Variants in FGF5 observed in about 807,000 individuals in gnomAD.
FGF5 encodes the protein heparin-binding growth factor 5.
A neutral mutation model predicts 21.8 loss-of-function variants in FGF5; 23 were observed. The observed-to-expected ratio is 1.05, with a 90% CI of 0.76 to 1.49. The LOEUF is 1.49. FGF5 is among the 40% of genes most tolerant of loss of function. The pLI, the probability that FGF5 is intolerant of heterozygous loss-of-function variation, is 0.00. For synonymous variants in FGF5, 158 were observed against 124.0 expected (o/e 1.27, Z -1.82); for missense variants, 352 against 332.9 (o/e 1.06, Z -0.45).
chr4:80,277,016 G>A (rs1286585282), intron 2 of FGF5, among the ~76,000 whole-genome samples: 1 of 152,022 alleles, frequency 6.6e-6, no homozygotes, highest in Non-Finnish European at 1.5e-5. Flanking sequence ...ACTTGGAACA[G>A]CTTAAGGATA....
intron 2 of FGF5, among the ~76,000 whole-genome samples, chr4:80,283,848 A>G (rs1041653793): frequency 6.6e-6 from 1 of 152,162 alleles, no homozygotes; most frequent in African/African-American, 2.4e-5. Flanking sequence ...CCTTTGTAAA[A>G]TTCTTGTGAT....
chr4:80,282,110 G>A (rs1296730601), intron 2 of FGF5, among the ~76,000 whole-genome samples: 1 of 152,004 alleles, frequency 6.6e-6, no homozygotes, highest in Non-Finnish European at 1.5e-5. Flanking sequence ...TTACAGGCGC[G>A]CACAACCACA....
In FGF5 at chr4:80,288,404, G is replaced by A. The variant is rs1399892777; in HGVS notation, c.*1732G>A. 1 of 151,820 alleles carries A rather than the reference G, an allele frequency of 6.6e-6. No individual in the cohort carries two copies. The highest frequency in any genetic ancestry group is 1.5e-5 in the Non-Finnish European group (1 of 67,954). The allele number at this position is 151,820 out of a possible 1,614,324, so 9.4% of individuals were successfully genotyped here. A position where few individuals can be genotyped will look rare whatever the true frequency, so the allele number is the denominator to read the frequency against. ...CATCAGTATAGTGTTTTATTATAAA[G>A]CCAATTATCTGATTAAGCATTCTTT... is the stretch of plus-strand genomic sequence containing the variant. On this transcript the variant is annotated 3_prime_UTR_variant, in exon 3 of 3. Coordinates refer to ENST00000312465, the MANE Select transcript of FGF5 (RefSeq NM_004464.4).
At chr4:80,271,992 G>A (rs36022967) in intron 1 of FGF5, among the ~76,000 whole-genome samples, 2,339 of 152,248 alleles carry the variant, frequency 0.015, 89 homozygotes, top group Admixed American at 0.078. Context: ...TGAACTGTGA[G>A]ACTCATTGAA....
intron 1 of FGF5, among the ~76,000 whole-genome samples, chr4:80,267,906 A>T (rs918639519): frequency 6.6e-6 from 1 of 152,308 alleles, no homozygotes; most frequent in African/African-American, 2.4e-5. Flanking sequence ...AGTTGGATTT[A>T]ACAATGTTTA....
At chr4:80,274,221 C>A (rs1018092650) in intron 1 of FGF5, among the ~76,000 whole-genome samples, 5 of 151,998 alleles carry the variant, frequency 3.3e-5, no homozygotes, top group Non-Finnish European at 5.9e-5. Flanking sequence ...ATTTATACAA[C>A]AATGTAATAA....
At chr4:80,282,272 A>G (rs1041691608) in intron 2 of FGF5, among the ~76,000 whole-genome samples, 1 of 151,964 alleles carries the variant, frequency 6.6e-6, no homozygotes, top group African/African-American at 2.4e-5. Flanking sequence ...GAAAGTTCTT[A>G]TTTCTCTTAA....
intron 1 of FGF5, among the ~76,000 whole-genome samples, chr4:80,273,152 G>T (rs114288943): frequency 2.0e-5 from 3 of 151,144 alleles, no homozygotes; most frequent in Non-Finnish European, 4.4e-5. Flanking sequence ...TTGAAGGAAA[G>T]GATTTATACA....
Position 80,266,850 on chromosome 4 carries a change from TC to T in FGF5, c.27del (p.Phe10SerfsTer5). On this transcript the variant is annotated frameshift_variant, in exon 1 of 3. Coordinates refer to ENST00000312465, the MANE Select transcript of FGF5 (RefSeq NM_004464.4). LOFTEE classifies it high-confidence loss of function. MSLSFLLL[L>X]FFSHLILSAW... ...ATGAGCTTGTCCTTCCTCCTCCTCC[TC>T]TTCTTCAGCCACCTGATCCTCAGCG... 6.2e-7 allele frequency: 1 copy of T among 1,603,294 alleles called. No homozygotes were observed. The highest frequency in any genetic ancestry group is 1.1e-5 in the South Asian group (1 of 89,458).
intron 2 of FGF5, among the ~76,000 whole-genome samples, chr4:80,282,691 TGAA>T (rs1720588822): frequency 6.6e-6 from 1 of 152,206 alleles, no homozygotes; most frequent in South Asian, 2.1e-4. Context: ...GGCAATTAGA[TGAA>T]GGAGTCTTGA....
At position 80,287,553 on chromosome 4, in the gene FGF5, C is replaced by T. The variant is rs1720772531; in HGVS notation, c.*881C>T. The T allele has an allele frequency of 6.6e-6, 1 of 152,122 alleles. No homozygotes were observed. The highest frequency in any genetic ancestry group is 1.5e-5 in the Non-Finnish European group (1 of 68,006). 9.4% of individuals were successfully genotyped at this position (152,122 alleles called of 1,614,324 possible). ...TTATTGAGATCTAAGTCTGTCTTGC[C>T]TTCATTTCTCTTTTTATCTCCCCCT... On this transcript the variant is annotated 3_prime_UTR_variant, in exon 3 of 3. Transcript: ENST00000312465.
intron 2 of FGF5, among the ~76,000 whole-genome samples, chr4:80,275,738 A>C (rs1285813205): frequency 6.6e-6 from 1 of 152,052 alleles, no homozygotes; most frequent in Non-Finnish European, 1.5e-5. Flanking sequence ...TGTTCAGCTT[A>C]GTTTTCCCAC....
chr4:80,279,390 A>C (rs1720494319), intron 2 of FGF5, among the ~76,000 whole-genome samples: 2 of 152,216 alleles, frequency 1.3e-5, no homozygotes, highest in Non-Finnish European at 2.9e-5. Flanking sequence ...GCTCTCAGGC[A>C]GCTGTTTGAC....
intron 2 of FGF5, among the ~76,000 whole-genome samples, chr4:80,281,034 A>G (rs1720538391): frequency 6.6e-6 from 1 of 152,000 alleles, no homozygotes; most frequent in Admixed American, 6.6e-5. Flanking sequence ...CAACTTGTGT[A>G]TTTTGTTGGT....
rs1194529360 is a variant in FGF5, at chr4:80,290,857, A to G, written c.*4185A>G. 2 of 152,226 alleles carry G rather than the reference A, an allele frequency of 1.3e-5. No homozygotes were observed. Among genetic ancestry groups the G allele is most frequent in the Non-Finnish European group, 2.9e-5 (2 of 68,052 alleles). 9.4% of individuals were successfully genotyped at this position (152,226 alleles called of 1,614,324 possible). On this transcript the variant is annotated 3_prime_UTR_variant, in exon 3 of 3. Transcript: ENST00000312465. ...TCCAGCTTCATCCATGTCCCTACAA[A>G]GAACATGAACTCATCATTTTTTATG... is the stretch of plus-strand genomic sequence containing the variant.
At chr4:80,285,025 G>A (rs1374402610) in intron 2 of FGF5, among the ~76,000 whole-genome samples, 1 of 152,092 alleles carries the variant, frequency 6.6e-6, no homozygotes, top group Admixed American at 6.5e-5. Flanking sequence ...TAATTCTTTG[G>A]GGGTTATGGG....
chr4:80,271,901 T>A (rs1274805971), intron 1 of FGF5, among the ~76,000 whole-genome samples: 2 of 152,194 alleles, frequency 1.3e-5, no homozygotes, highest in Non-Finnish European at 2.9e-5. Flanking sequence ...AAAAATTACG[T>A]AGAATTCCTG....
rs1329967107 is a variant in FGF5 at position 80,274,899 on chromosome 4, G to C, written c.356-10G>C. On this transcript the variant is annotated splice_polypyrimidine_tract_variant and intron_variant, in intron 1 of 2. Transcript: ENST00000312465. ...GCCTGTGTTTTATTTTGGGATTTCT[G>C]TCATCCTAGGTGTTTTGGAAATATT... 4.7e-6 allele frequency: 6 copies of C among 1,284,780 alleles called. No homozygotes were observed. The East Asian group carries it at 1.4e-4, about 30-fold the overall frequency. The allele number at this position is 1,284,780 out of a possible 1,614,324, so 79.6% of individuals were successfully genotyped here.
At position 80,274,847 on chromosome 4, in the gene FGF5, T is replaced by C; in HGVS notation, c.356-62T>C. 1.9e-5 allele frequency: 14 copies of C among 741,110 alleles called. No homozygotes were observed. The South Asian group carries it at 2.4e-4, about 13-fold the overall frequency. 45.9% of individuals were successfully genotyped at this position (741,110 alleles called of 1,614,324 possible). A position where few individuals can be genotyped will look rare whatever the true frequency, so the allele number is the denominator to read the frequency against. ...AATGGAAAGAATCTATGTAGAAATT[T>C]AATTCTTCACAATGATATAAATAAG... On this transcript the variant is annotated intron_variant, in intron 1 of 2. Coordinates refer to ENST00000312465, the MANE Select transcript of FGF5 (RefSeq NM_004464.4).
Sources: allele counts gnomAD v4.1 joint callset (sites outside exome capture counted in the v4.1 genomes callset), GRCh38; gene constraint gnomAD v4.1.1; transcripts MANE v1.5; gene names NCBI Gene and HGNC (gene_info 2026-07-23, HGNC 2026-07-21).